CTNNA3: variants seen among roughly 807,000 people sequenced by gnomAD.
The protein encoded by CTNNA3 is catenin alpha-3.
In CTNNA3, 76 loss-of-function variants were observed where a neutral mutation model predicts 95.7. That is an observed-to-expected ratio of 0.79 (90% CI 0.66 to 0.96). The LOEUF (loss-of-function observed/expected upper bound fraction) is 0.96, where lower values mean the gene tolerates loss of function less well. Among genes scored for constraint, CTNNA3 ranks in the 40% least tolerant of loss-of-function variants. The pLI is 0.00. For synonymous variants in CTNNA3, 431 were observed against 374.4 expected (o/e 1.15, Z -1.74); for missense variants, 1,191 against 1,089.8 (o/e 1.09, Z -1.31).
In CTNNA3 at chr10:67,075,291, A is replaced by G. The variant is rs548463670; in HGVS notation, c.1047+105026T>C. The stretch of plus-strand genomic sequence containing the variant: ...AAAAAAATCAAAGCCTACTTTATCC[A>G]TAAGTAGGTAAAGCAATGGTTACAT... On this transcript the variant is annotated intron_variant, in intron 7 of 17. Coordinates refer to ENST00000433211, the MANE Select transcript of CTNNA3 (RefSeq NM_013266.4). Among the ~76,000 whole-genome samples, 19 of 152,328 alleles carry G rather than the reference A, an allele frequency of 1.2e-4. No homozygotes were observed. In the South Asian group the frequency reaches 3.9e-3, roughly 32 times the overall value.
chr10:66,611,697 A>G (rs1844335667), intron 10 of CTNNA3, among the ~76,000 whole-genome samples: 1 of 151,718 alleles, frequency 6.6e-6, no homozygotes, highest in Admixed American at 6.6e-5. Flanking sequence ...ACTTCACTGG[A>G]GTATCTGTCT....
intron 13 of CTNNA3, among the ~76,000 whole-genome samples, chr10:66,119,463 C>A (rs979240575): frequency 1.3e-5 from 2 of 152,142 alleles, no homozygotes; most frequent in Non-Finnish European, 2.9e-5. Flanking sequence ...AAGTGAACAG[C>A]AGAGTACTCT....
rs142832912 is a variant in CTNNA3, at chr10:66,610,662, T to A, written c.1374+11030A>T. On this transcript the variant is annotated intron_variant, in intron 10 of 17. Coordinates refer to ENST00000433211, the MANE Select transcript of CTNNA3 (RefSeq NM_013266.4). ...CAAGGATGTGGAGAAAGGGGAATGC[T>A]CATACATTGTTGGTGGGAATATAAA... Among the ~76,000 whole-genome samples, 475 of 152,248 alleles carry A rather than the reference T, an allele frequency of 3.1e-3. 1 individual carries two copies. Among genetic ancestry groups the A allele is most frequent in the African/African-American group, 0.011 (459 of 41,558 alleles).
At chr10:67,564,660 T>A (rs1449208656) in intron 3 of CTNNA3, among the ~76,000 whole-genome samples, 1 of 101,368 alleles carries the variant, frequency 9.9e-6, no homozygotes, top group Non-Finnish European at 1.8e-5. Flanking sequence ...TATATATGCA[T>A]ATATGTGTGT....
intron 7 of CTNNA3, among the ~76,000 whole-genome samples, chr10:67,105,282 G>A (rs1054127189): frequency 1.8e-5 from 2 of 112,274 alleles, no homozygotes; most frequent in African/African-American, 3.4e-5. Flanking sequence ...CCAAAAGAGA[G>A]ACTATTAAGA....
At chr10:67,067,995 T>G (rs1856197237) in intron 7 of CTNNA3, among the ~76,000 whole-genome samples, 1 of 152,182 alleles carries the variant, frequency 6.6e-6, no homozygotes, top group African/African-American at 2.4e-5. Context: ...AGTGTCAAAT[T>G]AGTAGGTAAT....
intron 7 of CTNNA3, among the ~76,000 whole-genome samples, chr10:67,018,040 G>A (rs1195189998): frequency 6.6e-6 from 1 of 152,082 alleles, no homozygotes; most frequent in African/African-American, 2.4e-5. Flanking sequence ...CCAATGTGCT[G>A]GGATTACAGG....
intron 3 of CTNNA3, among the ~76,000 whole-genome samples, chr10:67,598,847 A>G (rs1438629431): frequency 1.3e-5 from 2 of 152,168 alleles, no homozygotes; most frequent in African/African-American, 2.4e-5. Flanking sequence ...AAAAAATCTC[A>G]TAAAAGAGAA....
chr10:67,643,821 A>T (rs1275606581), intron 2 of CTNNA3, among the ~76,000 whole-genome samples: 1 of 152,002 alleles, frequency 6.6e-6, no homozygotes, highest in Admixed American at 6.6e-5. Context: ...GCTGAAAATG[A>T]TGGTTTCCAG....
At chr10:66,631,784 T>C (rs1212777085) in intron 9 of CTNNA3, among the ~76,000 whole-genome samples, 2 of 152,270 alleles carry the variant, frequency 1.3e-5, no homozygotes, top group East Asian at 3.9e-4. Flanking sequence ...GATGCAAATA[T>C]TGTTAACAAA....
intron 7 of CTNNA3, among the ~76,000 whole-genome samples, chr10:67,001,366 G>T (rs986027998): frequency 2.0e-5 from 3 of 151,044 alleles, no homozygotes; most frequent in Non-Finnish European, 4.4e-5. Context: ...ATAAAATCTG[G>T]GCTGTGAGTT....
At chr10:66,073,096 G>C (rs900167040) in intron 14 of CTNNA3, among the ~76,000 whole-genome samples, 1 of 152,102 alleles carries the variant, frequency 6.6e-6, no homozygotes, top group Non-Finnish European at 1.5e-5. Flanking sequence ...GGAGAGAATA[G>C]AGTAGGGGTT....
intron 7 of CTNNA3, among the ~76,000 whole-genome samples, chr10:67,179,370 T>C (rs1263705311): frequency 7.3e-5 from 11 of 151,524 alleles, no homozygotes. Context: ...GTTACAGACA[T>C]TCCATAGATG....
intron 9 of CTNNA3, among the ~76,000 whole-genome samples, chr10:66,634,629 T>A (rs1845273445): frequency 6.7e-6 from 1 of 149,444 alleles, no homozygotes; most frequent in Non-Finnish European, 1.5e-5. Flanking sequence ...TATAAGGTAA[T>A]GATTCTTATG....
intron 9 of CTNNA3, among the ~76,000 whole-genome samples, chr10:66,666,919 G>GA (rs1330899054): frequency 1.3e-5 from 2 of 151,908 alleles, no homozygotes; most frequent in East Asian, 3.9e-4. Context: ...GAAGTGATCA[G>GA]AAAAAAACAT....
chr10:67,203,910 T>A (rs1033838452), intron 6 of CTNNA3, among the ~76,000 whole-genome samples: 1 of 152,156 alleles, frequency 6.6e-6, no homozygotes, highest in African/African-American at 2.4e-5. Context: ...AAATTCCCAT[T>A]TCATTACTAC....
intron 10 of CTNNA3, among the ~76,000 whole-genome samples, chr10:66,554,910 A>T (rs1450214603): frequency 6.6e-6 from 1 of 151,018 alleles, no homozygotes; most frequent in Non-Finnish European, 1.5e-5. Flanking sequence ...TTTCTCTGCT[A>T]TTTTTTGTTC....
At chr10:66,536,158 A>AGG in intron 10 of CTNNA3, among the ~76,000 whole-genome samples, 1 of 151,362 alleles carries the variant, frequency 6.6e-6, no homozygotes, top group East Asian at 2.0e-4. Flanking sequence ...AGAGAGAGAG[A>AGG]GAGACAGAGA....
At chr10:67,267,618 G>A (rs1030362368) in intron 5 of CTNNA3, among the ~76,000 whole-genome samples, 3 of 151,958 alleles carry the variant, frequency 2.0e-5, no homozygotes, top group African/African-American at 4.8e-5. Context: ...CACCCACCTC[G>A]GCCTCCCAAA....
Sources: allele counts gnomAD v4.1 joint callset (sites outside exome capture counted in the v4.1 genomes callset), GRCh38; gene constraint gnomAD v4.1.1; transcripts MANE v1.5; gene names NCBI Gene and HGNC (gene_info 2026-07-23, HGNC 2026-07-21).